The following LARP4B variants were observed in gnomAD, a reference collection of about 807,000 sequenced individuals.
LARP4B encodes la-related protein 4B.
LARP4B carries 12 observed loss-of-function variants against 89.8 expected under a neutral mutation model. The observed-to-expected ratio is 0.13, with a 90% confidence interval of 0.09 to 0.22. The LOEUF (loss-of-function observed/expected upper bound fraction) is 0.22. Ranked by LOEUF, LARP4B falls within the 10% of genes least tolerant of loss-of-function variation. The pLI is 1.00. For missense variants in LARP4B, 757 were observed against 947.7 expected (o/e 0.80, Z 2.64); for synonymous variants, 367 against 363.3 (o/e 1.01, Z -0.12).
At chr10:964,255 T>TG in the LARP4B span, among the ~76,000 whole-genome samples, 1 of 152,070 alleles carries the variant, frequency 6.6e-6, no homozygotes, top group African/African-American at 2.4e-5. Context: ...TTAGTAGAGA[T>TG]GGGGTTTCAC....
At chr10:965,088 C>T in the LARP4B span, among the ~76,000 whole-genome samples, 1 of 152,190 alleles carries the variant, frequency 6.6e-6, no homozygotes, top group African/African-American at 2.4e-5. Context: ...GACGGGGGAC[C>T]TGCTAGGTCC....
Position 844,971 on chromosome 10 carries a change from C to T in LARP4B, c.509+6G>A. On this transcript the variant is annotated splice_donor_region_variant and intron_variant, in intron 6 of 17. Coordinates refer to ENST00000316157, the MANE Select transcript of LARP4B (RefSeq NM_015155.3). ...CAGGTACTAGAAAAACCACCACCAGCCTTACCTAGATAAGCAGAATTCCAA... is the reference window on the plus strand; with the variant it reads ...CAGGTACTAGAAAAACCACCACCAGTCTTACCTAGATAAGCAGAATTCCAA... 2 of 1,608,090 alleles carry T rather than the reference C, an allele frequency of 1.2e-6. No homozygotes were observed. The highest frequency in any genetic ancestry group is 1.7e-6 in the Non-Finnish European group (2 of 1,177,496).
At chr10:941,614 C>T in the LARP4B span, among the ~76,000 whole-genome samples, 1 of 152,256 alleles carries the variant, frequency 6.6e-6, no homozygotes, top group African/African-American at 2.4e-5. Context: ...AGCCACTGCA[C>T]CCGGCCTGAT....
chr10:927,922 T>C (rs1837190621), intron 1 of LARP4B, among the ~76,000 whole-genome samples: 1 of 152,190 alleles, frequency 6.6e-6, no homozygotes, highest in African/African-American at 2.4e-5. Context: ...TTAAAACTTG[T>C]ACCTTTGGCC....
At chr10:975,410 C>A in the LARP4B span, among the ~76,000 whole-genome samples, 1 of 152,202 alleles carries the variant, frequency 6.6e-6, no homozygotes, top group Admixed American at 6.5e-5. Context: ...AATTCAGTTG[C>A]GATTCACTAA....
At chr10:861,149 C>T (rs1430208920) in intron 5 of LARP4B, among the ~76,000 whole-genome samples, 2 of 152,062 alleles carry the variant, frequency 1.3e-5, no homozygotes, top group Non-Finnish European at 1.5e-5. Context: ...CAGCAAGACT[C>T]CATCTCAAAA....
chr10:946,143 GA>G, the LARP4B span, among the ~76,000 whole-genome samples: 1 of 152,076 alleles, frequency 6.6e-6, no homozygotes, highest in African/African-American at 2.4e-5. Flanking sequence ...ATAAATCCCG[GA>G]AAAAAGGTCT....
the LARP4B span, among the ~76,000 whole-genome samples, chr10:960,285 A>T: frequency 6.6e-6 from 1 of 152,168 alleles, no homozygotes; most frequent in South Asian, 2.1e-4. Flanking sequence ...GGCCAGTAAA[A>T]TGATTCTGTA....
At chr10:988,331 A>G in the LARP4B span, 4 of 665,946 alleles carry the variant, frequency 6.0e-6, no homozygotes, top group South Asian at 7.2e-5. Context: ...GCGCTGTGCG[A>G]CGCGGAAAGC....
intron 3 of LARP4B, among the ~76,000 whole-genome samples, chr10:867,861 T>TGAAA (rs1834990109): frequency 8.8e-6 from 1 of 113,240 alleles, no homozygotes; most frequent in Non-Finnish European, 1.8e-5. Context: ...ACTCCATCCT[T>TGAAA]GAAAAAAAAA....
chr10:904,259 G>T (rs1321046413), intron 1 of LARP4B, among the ~76,000 whole-genome samples: 1 of 151,982 alleles, frequency 6.6e-6, no homozygotes, highest in Non-Finnish European at 1.5e-5. Context: ...TCCCCTAAAA[G>T]ATAAATAAAA....
intron 1 of LARP4B, among the ~76,000 whole-genome samples, chr10:900,127 T>C (rs1461584425): frequency 6.6e-6 from 1 of 151,846 alleles, no homozygotes; most frequent in Non-Finnish European, 1.5e-5. Flanking sequence ...GGGTGGATCA[T>C]CTGAGGTCAG....
At chr10:842,889 C>A in intron 7 of LARP4B, 43 bp downstream of exon 7, 1 of 1,582,954 alleles carries the variant, frequency 6.3e-7, no homozygotes, top group Non-Finnish European at 8.7e-7. Flanking sequence ...AAGACAAATA[C>A]TCTAAGGACA....
At chr10:980,618 C>T in the LARP4B span, among the ~76,000 whole-genome samples, 1 of 152,296 alleles carries the variant, frequency 6.6e-6, no homozygotes, top group Non-Finnish European at 1.5e-5. Flanking sequence ...CCCTTTGAAC[C>T]ACGGCTGCAG....
chr10:900,858 C>A (rs1259558378), intron 1 of LARP4B, among the ~76,000 whole-genome samples: 1 of 151,058 alleles, frequency 6.6e-6, no homozygotes, highest in Non-Finnish European at 1.5e-5. Context: ...ACCTCATGAT[C>A]TGCCTGCCTC....
intron 3 of LARP4B, among the ~76,000 whole-genome samples, chr10:870,764 A>T (rs1241957610): frequency 1.3e-5 from 2 of 152,196 alleles, no homozygotes; most frequent in African/African-American, 4.8e-5. Context: ...ATTATTACCA[A>T]AGATACCAGA....
the LARP4B span, among the ~76,000 whole-genome samples, chr10:969,453 G>A: frequency 4.6e-5 from 7 of 152,264 alleles, no homozygotes; most frequent in East Asian, 1.9e-4. Flanking sequence ...GAAAAGGCTC[G>A]GCACGGTGGC....
At chr10:894,739 T>A (rs931202670) in intron 1 of LARP4B, among the ~76,000 whole-genome samples, 1 of 152,210 alleles carries the variant, frequency 6.6e-6, no homozygotes, top group Non-Finnish European at 1.5e-5. Flanking sequence ...ATGTCTGGAA[T>A]TTGCTTTAGA....
At chr10:938,372 T>C in the LARP4B span, among the ~76,000 whole-genome samples, 8 of 151,896 alleles carry the variant, frequency 5.3e-5, no homozygotes, top group East Asian at 1.5e-3. Flanking sequence ...TGCCTCAGCC[T>C]CCCGAGTAGC....
Sources: allele counts gnomAD v4.1 joint callset (sites outside exome capture counted in the v4.1 genomes callset), GRCh38; gene constraint gnomAD v4.1.1; transcripts MANE v1.5; gene names NCBI Gene and HGNC (gene_info 2026-07-23, HGNC 2026-07-21).